Variants in TNFAIP8 observed in about 807,000 individuals in gnomAD.
TNFAIP8 encodes the protein TNF alpha induced protein 8.
In TNFAIP8, 7 loss-of-function variants were observed where a neutral mutation model predicts 13.3. The observed-to-expected ratio is 0.52, with a 90% CI of 0.30 to 0.99. The LOEUF (loss-of-function observed/expected upper bound fraction) is 0.99. Among genes scored for constraint, TNFAIP8 ranks in the 50% least tolerant of loss-of-function variants. The probability of loss-of-function intolerance (pLI) is 0.07; values close to 1 mark genes in which losing one functional copy is unlikely to be tolerated. For synonymous variants in TNFAIP8, 94 were observed against 87.6 expected (o/e 1.07, Z -0.41); for missense variants, 258 against 236.9 (o/e 1.09, Z -0.58).
chr5:119,298,349 T>G (rs1749246423), intron 1 of TNFAIP8, among the ~76,000 whole-genome samples: 1 of 152,134 alleles, frequency 6.6e-6, no homozygotes, highest in Non-Finnish European at 1.5e-5. Context: ...AGGATTTTAT[T>G]TCTCCTTCAC....
chr5:119,383,573 AT>A (rs1562032377), intron 1 of TNFAIP8, among the ~76,000 whole-genome samples: 1 of 152,160 alleles, frequency 6.6e-6, no homozygotes, highest in Non-Finnish European at 1.5e-5. Context: ...TACAGTTTAT[AT>A]TCTTTCATCA....
At chr5:119,379,671 G>A (rs1752412855) in intron 1 of TNFAIP8, among the ~76,000 whole-genome samples, 1 of 152,106 alleles carries the variant, frequency 6.6e-6, no homozygotes, top group African/African-American at 2.4e-5. Context: ...GTTCACTGCA[G>A]CCTCAACCTC....
intron 1 of TNFAIP8, among the ~76,000 whole-genome samples, chr5:119,371,410 A>G (rs193083831): frequency 3.9e-5 from 6 of 152,324 alleles, no homozygotes; most frequent in African/African-American, 7.2e-5. Context: ...AACATTAAAG[A>G]TGAATGCTGA....
At chr5:119,324,824 G>A (rs1451463040) in intron 1 of TNFAIP8, among the ~76,000 whole-genome samples, 2 of 151,828 alleles carry the variant, frequency 1.3e-5, no homozygotes, top group Admixed American at 6.6e-5. Flanking sequence ...TGTGCTTATA[G>A]TTTTCTCTTT....
intron 1 of TNFAIP8, among the ~76,000 whole-genome samples, chr5:119,342,607 C>T (rs1006678535): frequency 2.6e-4 from 40 of 152,220 alleles, no homozygotes; most frequent in African/African-American, 7.7e-4. Flanking sequence ...AGTGCTGTCT[C>T]TGCTTTCTCA....
Position 119,393,293 on chromosome 5 carries a change from C to G in TNFAIP8, c.509C>G (p.Ala170Gly). The change falls in exon 2 of 2, where the codon GCC becomes GGC. Residue 170 changes from alanine (A) to glycine (G), a missense_variant. Coordinates refer to ENST00000504771, the MANE Select transcript of TNFAIP8 (RefSeq NM_014350.4). ...TTTTCAGATTGTGAATTTTTGGCTG[C>G]CTTGTATAATCCTTTTGGGAATTTT... ...DHFSDCEFLA[A>G]LYNPFGNFKP... 1 of 1,613,952 alleles carries G rather than the reference C, an allele frequency of 6.2e-7. No individual in the cohort carries two copies. Among genetic ancestry groups the G allele is most frequent in the Non-Finnish European group, 8.5e-7 (1 of 1,179,876 alleles).
chr5:119,271,328 G>A (rs767673786), intron 1 of TNFAIP8, among the ~76,000 whole-genome samples: 1 of 152,158 alleles, frequency 6.6e-6, no homozygotes, highest in African/African-American at 2.4e-5. Flanking sequence ...CTTTAAAGTT[G>A]AGTCTGCCAC....
At chr5:119,289,187 A>G (rs1268730176) in intron 1 of TNFAIP8, among the ~76,000 whole-genome samples, 1 of 152,254 alleles carries the variant, frequency 6.6e-6, no homozygotes, top group African/African-American at 2.4e-5. Flanking sequence ...ATTGTATACA[A>G]TCAAATCTCC....
rs562549390 is a variant in TNFAIP8 at position 119,384,208 on chromosome 5, G to A, written c.32-8608G>A. 2.6e-5 allele frequency among the ~76,000 whole-genome samples: 4 copies of A among 152,298 alleles called. No homozygotes were observed. In the South Asian group the frequency reaches 6.2e-4, roughly 24 times the overall value. On this transcript the variant is annotated intron_variant, in intron 1 of 1. Transcript: ENST00000504771. ...AAGCTTCAGTAAGATAACGTGGCCC[G>A]GCACGGTGGCTCACGCCTGTAATCC...
chr5:119,338,165 GACACACACACACAC>G (rs367789572), intron 1 of TNFAIP8, among the ~76,000 whole-genome samples: 8,686 of 125,232 alleles, frequency 0.069, 294 homozygotes, highest in Middle Eastern at 0.081. Flanking sequence ...CTGGAACTTT[GACACACACACACAC>G]ACACACACAC....
chr5:119,363,878 A>T (rs534840256), intron 1 of TNFAIP8, among the ~76,000 whole-genome samples: 10 of 152,170 alleles, frequency 6.6e-5, no homozygotes, highest in East Asian at 3.8e-4. Flanking sequence ...TAAATTGGGG[A>T]TTTGCATGAC....
At chr5:119,331,791 C>T (rs1750388602) in intron 1 of TNFAIP8, among the ~76,000 whole-genome samples, 1 of 152,162 alleles carries the variant, frequency 6.6e-6, no homozygotes, top group Non-Finnish European at 1.5e-5. Flanking sequence ...TAGTGACCAC[C>T]TAGCCATGCA....
At chr5:119,350,996 C>T (rs1166536025) in intron 1 of TNFAIP8, among the ~76,000 whole-genome samples, 4 of 101,608 alleles carry the variant, frequency 3.9e-5, no homozygotes, top group African/African-American at 1.0e-4. Flanking sequence ...AGGGGTCTCA[C>T]TCTGTGTGTG....
chr5:119,386,867 A>C (rs1222564061), intron 1 of TNFAIP8, among the ~76,000 whole-genome samples: 1 of 152,152 alleles, frequency 6.6e-6, no homozygotes, highest in Non-Finnish European at 1.5e-5. Context: ...CTAGTTGATA[A>C]GATTGCCTCC....
intron 1 of TNFAIP8, among the ~76,000 whole-genome samples, chr5:119,307,352 ATTATAT>A (rs1467517714): frequency 3.9e-5 from 6 of 152,326 alleles, no homozygotes; most frequent in Admixed American, 1.3e-4. Context: ...CATACAAGCA[ATTATAT>A]TTATAAGTTT....
intron 1 of TNFAIP8, chr5:119,333,698 C>T (rs1250473215): frequency 6.4e-6 from 8 of 1,258,744 alleles, no homozygotes; most frequent in Non-Finnish European, 8.9e-6. Context: ...GTAAAATGTT[C>T]AGATGACTAA....
At position 119,348,117 on chromosome 5, in the gene TNFAIP8, C is replaced by T. The variant is rs575048023; in HGVS notation, c.2-44699C>T. ...CAACCTGTCTTGGCATTGTTTTCTG[C>T]CCCCTTGGAGTGAGCACACTGAGGA... is the stretch of plus-strand genomic sequence containing the variant. On this transcript the variant is annotated intron_variant, in intron 1 of 1. Transcript: ENST00000274456. Among the ~76,000 whole-genome samples, 7 of 152,308 alleles carry T rather than the reference C, an allele frequency of 4.6e-5. No individual in the cohort carries two copies. The East Asian group carries it at 1.4e-3, about 29-fold the overall frequency.
intron 1 of TNFAIP8, among the ~76,000 whole-genome samples, chr5:119,359,448 ATGTC>A (rs779809259): frequency 1.3e-5 from 2 of 152,058 alleles, no homozygotes; most frequent in Non-Finnish European, 2.9e-5. Context: ...GGGAAAAACA[ATGTC>A]TGTTTTATTC....
At chr5:119,389,931 C>T (rs562465283) in intron 1 of TNFAIP8, among the ~76,000 whole-genome samples, 1 of 152,268 alleles carries the variant, frequency 6.6e-6, no homozygotes, top group South Asian at 2.1e-4. Context: ...AGTAGATTTG[C>T]CTGTTACACA....
Sources: allele counts gnomAD v4.1 joint callset (sites outside exome capture counted in the v4.1 genomes callset), GRCh38; gene constraint gnomAD v4.1.1; transcripts MANE v1.5; gene names NCBI Gene and HGNC (gene_info 2026-07-23, HGNC 2026-07-21).